RTN4: variants seen among roughly 807,000 people sequenced by gnomAD.
The protein encoded by RTN4 is reticulon 4, also known as reticulon-4.
A neutral mutation model predicts 90.4 loss-of-function variants in RTN4; 32 were observed. The ratio of observed to expected loss-of-function variants is 0.35; its 90% CI spans 0.27 to 0.48. The LOEUF is 0.48. Among genes scored for constraint, RTN4 ranks in the 20% least tolerant of loss-of-function variants. The pLI, the probability that RTN4 is intolerant of heterozygous loss-of-function variation, is 0.99. For missense variants in RTN4, 1,706 were observed against 1,430.2 expected, an observed-to-expected ratio of 1.19 and a Z score of -3.11; for synonymous variants, 629 against 552.5, an observed-to-expected ratio of 1.14 and a Z score of -1.94.
At chr2:54,990,845 G>C (rs1678949347) in intron 3 of RTN4, among the ~76,000 whole-genome samples, 1 of 152,062 alleles carries the variant, frequency 6.6e-6, no homozygotes, top group South Asian at 2.1e-4. Flanking sequence ...GAGTGCAGTG[G>C]CGCGATCTCG....
At chr2:54,976,430 G>A (rs1677640010) in intron 5 of RTN4, among the ~76,000 whole-genome samples, 1 of 152,210 alleles carries the variant, frequency 6.6e-6, no homozygotes, top group South Asian at 2.1e-4. Context: ...ATGTATGTGA[G>A]AGGCTGGGAG....
chr2:55,112,145 G>A (rs1668050207), intron 1 of RTN4, among the ~76,000 whole-genome samples: 1 of 152,202 alleles, frequency 6.6e-6, no homozygotes, highest in Non-Finnish European at 1.5e-5. Context: ...AGCGTGTTCA[G>A]GACTATATGA....
chr2:55,087,340 T>C (rs923445154), intron 1 of RTN4, among the ~76,000 whole-genome samples: 1 of 152,238 alleles, frequency 6.6e-6, no homozygotes, highest in Non-Finnish European at 1.5e-5. Flanking sequence ...TAGCAGTTGA[T>C]GAGATTTCCA....
the RTN4 span, among the ~76,000 whole-genome samples, chr2:55,120,482 C>G: frequency 1.3e-5 from 2 of 152,090 alleles, no homozygotes; most frequent in Non-Finnish European, 2.9e-5. Flanking sequence ...CCAAACCTCT[C>G]ACTGTCCCTC....
At chr2:55,058,271 TC>T (rs1668225943) in intron 2 of RTN4, among the ~76,000 whole-genome samples, 1 of 152,222 alleles carries the variant, frequency 6.6e-6, no homozygotes, top group Non-Finnish European at 1.5e-5. Flanking sequence ...GAATGTTTGT[TC>T]TGGGTAAAGG....
intron 3 of RTN4, among the ~76,000 whole-genome samples, chr2:54,996,647 A>G (rs1164310400): frequency 6.6e-6 from 1 of 152,250 alleles, no homozygotes; most frequent in Non-Finnish European, 1.5e-5. Context: ...AAAACAAATG[A>G]CGTTGGATTC....
At chr2:55,010,145 C>T in intron 3 of RTN4, 1 of 1,613,174 alleles carries the variant, frequency 6.2e-7, no homozygotes, top group Non-Finnish European at 8.5e-7. Context: ...TGCTTTGCAG[C>T]TCCAATTATT....
chr2:54,988,177 C>T (rs1229722878), intron 3 of RTN4, among the ~76,000 whole-genome samples: 2 of 152,086 alleles, frequency 1.3e-5, no homozygotes, highest in Non-Finnish European at 2.9e-5. Flanking sequence ...ATTAGTGAGG[C>T]ATGGTGGCGC....
intron 3 of RTN4, among the ~76,000 whole-genome samples, chr2:55,001,699 T>C (rs13031431): frequency 0.22 from 33,959 of 152,128 alleles, 4,011 homozygotes; most frequent in South Asian, 0.4. Flanking sequence ...CAAAAAACAC[T>C]GACAGTCCAA....
intron 3 of RTN4, among the ~76,000 whole-genome samples, chr2:55,000,311 A>G (rs1679761544): frequency 1.3e-5 from 2 of 152,120 alleles, no homozygotes; most frequent in African/African-American, 4.8e-5. Flanking sequence ...TGTCTTGGCT[A>G]TCTCCTCTTC....
intron 3 of RTN4, among the ~76,000 whole-genome samples, chr2:55,017,895 GCA>G (rs1681158788): frequency 6.6e-6 from 1 of 152,130 alleles, no homozygotes; most frequent in African/African-American, 2.4e-5. Flanking sequence ...AAAAGCAGTA[GCA>G]CCTTGATTGC....
intron 3 of RTN4, among the ~76,000 whole-genome samples, chr2:54,993,971 GT>G (rs1359702330): frequency 6.6e-6 from 1 of 152,198 alleles, no homozygotes; most frequent in Non-Finnish European, 1.5e-5. Context: ...AAAAATATTA[GT>G]TGATACCAAA....
intron 3 of RTN4, among the ~76,000 whole-genome samples, chr2:55,005,639 C>T (rs1680155116): frequency 6.6e-6 from 1 of 152,112 alleles, no homozygotes; most frequent in Non-Finnish European, 1.5e-5. Context: ...CAGTTATAAT[C>T]ATTTTAGCAT....
chr2:55,055,616 A>G (rs1282890819), upstream of RTN4, among the ~76,000 whole-genome samples: 1 of 152,034 alleles, frequency 6.6e-6, no homozygotes, highest in African/African-American at 2.4e-5. Context: ...AAATACAAAA[A>G]AAAATTAGCC....
chr2:55,043,847 C>T (rs921383132), intron 1 of RTN4, among the ~76,000 whole-genome samples: 3 of 151,960 alleles, frequency 2.0e-5, no homozygotes, highest in Non-Finnish European at 1.5e-5. Flanking sequence ...GATTGCGCCA[C>T]TGCACTCCAG....
At chr2:55,033,715 A>G (rs1682487532) in intron 1 of RTN4, among the ~76,000 whole-genome samples, 1 of 152,250 alleles carries the variant, frequency 6.6e-6, no homozygotes, top group South Asian at 2.1e-4. Context: ...TAATGAATCA[A>G]TAATACATAT....
chr2:55,049,051 G>C (rs1667941627), intron 1 of RTN4: 1 of 961,238 alleles, frequency 1.0e-6, no homozygotes, highest in Non-Finnish European at 1.2e-6. Context: ...ATCACACCCC[G>C]GGGAGCTGGG....
At chr2:55,059,016 T>C (rs892849129) in intron 2 of RTN4, among the ~76,000 whole-genome samples, 7 of 152,134 alleles carry the variant, frequency 4.6e-5, no homozygotes, top group African/African-American at 1.7e-4. Flanking sequence ...GCCTAAGTTT[T>C]GGCTTTCAGA....
upstream of RTN4, among the ~76,000 whole-genome samples, chr2:55,052,582 G>A (rs1459069382): frequency 6.6e-6 from 1 of 152,172 alleles, no homozygotes; most frequent in East Asian, 1.9e-4. Flanking sequence ...TAGGAAGAGA[G>A]ATGTATTGAT....
Sources: allele counts gnomAD v4.1 joint callset (sites outside exome capture counted in the v4.1 genomes callset), GRCh38; gene constraint gnomAD v4.1.1; transcripts MANE v1.5; gene names NCBI Gene and HGNC (gene_info 2026-07-23, HGNC 2026-07-21).